CPVL: variants seen among roughly 807,000 people sequenced by gnomAD.
CPVL encodes the protein probable serine carboxypeptidase CPVL.
In CPVL, 51 loss-of-function variants were observed where a neutral mutation model predicts 63.7. The ratio of observed to expected loss-of-function variants is 0.80; its 90% CI spans 0.64 to 1.01. CPVL has a LOEUF of 1.01. Among genes scored for constraint, CPVL ranks in the 50% least tolerant of loss-of-function variants. The probability of loss-of-function intolerance (pLI) is 0.00; values close to 1 mark genes in which losing one functional copy is unlikely to be tolerated. For missense variants in CPVL, 530 were observed against 573.1 expected (o/e 0.92, Z 0.77); for synonymous variants, 195 against 206.0 (o/e 0.95, Z 0.46).
chr7:29,129,905 C>G (rs1009047171), intron 1 of CPVL, among the ~76,000 whole-genome samples: 1 of 152,018 alleles, frequency 6.6e-6, no homozygotes, highest in Non-Finnish European at 1.5e-5. Context: ...TGCCATGTGA[C>G]GAAGAGGCAG....
chr7:29,038,581 T>C (rs1427582666), intron 11 of CPVL, among the ~76,000 whole-genome samples: 2 of 152,232 alleles, frequency 1.3e-5, no homozygotes, highest in Non-Finnish European at 2.9e-5. Context: ...TCAGCCACAA[T>C]GAGCTAACAC....
At chr7:29,176,618 G>T (rs1370727458) in intron 5 of CPVL, among the ~76,000 whole-genome samples, 1 of 151,982 alleles carries the variant, frequency 6.6e-6, no homozygotes, top group African/African-American at 2.4e-5. Context: ...GCTTTAAAAG[G>T]GTATTTTTTA....
intron 3 of CPVL, among the ~76,000 whole-genome samples, chr7:29,184,720 A>G (rs1798501758): frequency 6.6e-6 from 1 of 152,212 alleles, no homozygotes; most frequent in South Asian, 2.1e-4. Flanking sequence ...ATTTAAATTT[A>G]ACTTCATTCA....
intron 1 of CPVL, among the ~76,000 whole-genome samples, chr7:29,130,641 C>G (rs1198243726): frequency 6.6e-6 from 1 of 152,096 alleles, no homozygotes; most frequent in Non-Finnish European, 1.5e-5. Flanking sequence ...TTTTCTCATG[C>G]CCCCTCAGCT....
upstream of CPVL, chr7:29,146,731 C>CG (rs1165534433): frequency 2.8e-5 from 44 of 1,550,364 alleles, no homozygotes; most frequent in Admixed American, 8.2e-4. Flanking sequence ...AGAGCATCGG[C>CG]GGGGTGCCAT....
chr7:29,130,532 A>G (rs920683220), intron 1 of CPVL, among the ~76,000 whole-genome samples: 6 of 152,238 alleles, frequency 3.9e-5, no homozygotes, highest in East Asian at 3.9e-4. Context: ...CAGACAGCAC[A>G]CCTTTTCTTG....
chr7:29,118,859 T>G (rs1789048441), intron 2 of CPVL, among the ~76,000 whole-genome samples: 1 of 152,204 alleles, frequency 6.6e-6, no homozygotes, highest in African/African-American at 2.4e-5. Context: ...CATCTCTGCC[T>G]TCCCACCTGT....
intron 4 of CPVL, among the ~76,000 whole-genome samples, chr7:29,095,488 A>G (rs2286991): frequency 0.23 from 34,679 of 152,016 alleles, 4,121 homozygotes; most frequent in East Asian, 0.37. Flanking sequence ...TTAATGCTCC[A>G]TCTCTTGAAC....
At chr7:29,069,693 G>C (rs778019308) in intron 9 of CPVL, among the ~76,000 whole-genome samples, 12 of 151,886 alleles carry the variant, frequency 7.9e-5, no homozygotes, top group Non-Finnish European at 1.2e-4. Context: ...TCCTCAGCCT[G>C]CCACAATCTA....
chr7:29,120,813 C>T (rs1465423496), intron 2 of CPVL, 80 bp downstream of exon 2: 12 of 1,297,362 alleles, frequency 9.2e-6, no homozygotes, highest in East Asian at 7.3e-5. Context: ...GGCGAGACTT[C>T]GTCTCAAAAA....
exon 1 of CPVL, chr7:29,195,204 G>A: frequency 2.0e-6 from 1 of 492,324 alleles, no homozygotes; most frequent in East Asian, 3.6e-5. Context: ...AGGTGGGAGA[G>A]CGGTGGTGCC....
At chr7:29,093,444 T>C (rs1302398660) in intron 5 of CPVL, among the ~76,000 whole-genome samples, 1 of 151,980 alleles carries the variant, frequency 6.6e-6, no homozygotes, top group African/African-American at 2.4e-5. Flanking sequence ...GTACATTGTC[T>C]TCCTCTTCTT....
intron 12 of CPVL, among the ~76,000 whole-genome samples, chr7:29,025,306 T>G (rs991487608): frequency 1.3e-5 from 2 of 152,208 alleles, no homozygotes; most frequent in Non-Finnish European, 2.9e-5. Flanking sequence ...GATGAGGGCT[T>G]CAGGAAGCTT....
At chr7:29,086,691 G>A (rs1016792743) in intron 6 of CPVL, 141 bp from the exon 7 acceptor site, 4 of 651,192 alleles carry the variant, frequency 6.1e-6, no homozygotes, top group African/African-American at 5.5e-5. Context: ...AGCTCCTGTA[G>A]GACATTTTAT....
chr7:29,100,292 T>C (rs187774487), intron 3 of CPVL, among the ~76,000 whole-genome samples: 2 of 152,284 alleles, frequency 1.3e-5, no homozygotes, highest in East Asian at 3.9e-4. Context: ...TTTGGAGAGC[T>C]TTTCTCTTTT....
intron 11 of CPVL, among the ~76,000 whole-genome samples, chr7:29,032,527 T>C (rs1272666909): frequency 6.6e-6 from 1 of 152,222 alleles, no homozygotes; most frequent in East Asian, 1.9e-4. Flanking sequence ...AAACCTCCTA[T>C]AGTTGTTTTG....
chr7:29,103,193 G>C (rs1345689026), intron 3 of CPVL, among the ~76,000 whole-genome samples: 3 of 123,564 alleles, frequency 2.4e-5, no homozygotes, highest in Non-Finnish European at 5.3e-5. Flanking sequence ...GGGGGGGGGG[G>C]GGGTGCTAAA....
chr7:28,996,454 G>C (rs1044376155), intron 12 of CPVL, among the ~76,000 whole-genome samples: 2 of 151,358 alleles, frequency 1.3e-5, no homozygotes, highest in African/African-American at 4.9e-5. Context: ...CCCAGGAGTT[G>C]GAGTCTGCAG....
At chr7:29,135,600 T>C (rs1791128057) in intron 1 of CPVL, among the ~76,000 whole-genome samples, 1 of 152,100 alleles carries the variant, frequency 6.6e-6, no homozygotes, top group African/African-American at 2.4e-5. Context: ...CCAAAGTGCT[T>C]GGATTAGAGG....
Sources: gnomAD v4.1 joint callset for allele counts (sites outside exome capture counted in the v4.1 genomes callset) on GRCh38, gnomAD v4.1.1 for gene constraint, MANE v1.5 for transcripts, NCBI Gene and HGNC (gene_info 2026-07-23, HGNC 2026-07-21) for gene names.